The following MYO1E variants were observed in gnomAD, a reference collection of about 807,000 sequenced individuals.
MYO1E encodes myosin IE.
Under a neutral mutation model 151.1 loss-of-function variants are expected in MYO1E, and 68 were observed. The ratio of observed to expected loss-of-function variants is 0.45; its 90% confidence interval spans 0.37 to 0.55. The LOEUF (loss-of-function observed/expected upper bound fraction) is 0.55. Among genes scored for constraint, MYO1E ranks in the 20% least tolerant of loss-of-function variants. MYO1E has a pLI of 0.00. For missense variants in MYO1E, 1,363 were observed against 1,389.3 expected (o/e 0.98, Z 0.30); for synonymous variants, 601 against 501.7 (o/e 1.20, Z -2.64).
intron 2 of MYO1E, among the ~76,000 whole-genome samples, chr15:59,268,369 G>A (rs1158747770): frequency 6.6e-6 from 1 of 152,168 alleles, no homozygotes; most frequent in Non-Finnish European, 1.5e-5. Flanking sequence ...TAGTGGTCAA[G>A]TAACTCATTT....
intron 10 of MYO1E, among the ~76,000 whole-genome samples, chr15:59,216,643 A>AGTGTGTGTGTGTCTGTGTGTGT (rs2079917170): frequency 4.6e-5 from 2 of 43,478 alleles, no homozygotes; most frequent in African/African-American, 1.8e-4. Context: ...AAGGGCCCCC[A>AGTGTGTGTGTGTCTGTGTGTGT]GTGTGTGTGT....
intron 14 of MYO1E, chr15:59,207,970 C>T (rs1420997553): frequency 2.5e-6 from 4 of 1,614,032 alleles, no homozygotes; most frequent in African/African-American, 1.3e-5. Flanking sequence ...TCCTTGTATC[C>T]TGGGAGAGAA....
chr15:59,322,962 C>A (rs2080636827), intron 1 of MYO1E, among the ~76,000 whole-genome samples: 1 of 150,752 alleles, frequency 6.6e-6, no homozygotes, highest in African/African-American at 2.4e-5. Flanking sequence ...GAGATCAAGA[C>A]CATCCTGGCT....
intron 9 of MYO1E, among the ~76,000 whole-genome samples, chr15:59,218,955 G>A (rs1353182648): frequency 6.6e-6 from 1 of 152,222 alleles, no homozygotes; most frequent in Non-Finnish European, 1.5e-5. Context: ...GGTTAGGACA[G>A]ATTCCAATGC....
chr15:59,367,812 T>C (rs1217250356), intron 1 of MYO1E, among the ~76,000 whole-genome samples: 1 of 152,132 alleles, frequency 6.6e-6, no homozygotes, highest in African/African-American at 2.4e-5. Context: ...TCTGAGATGA[T>C]CAAATCACAT....
intron 1 of MYO1E, among the ~76,000 whole-genome samples, chr15:59,329,563 G>T (rs1378215458): frequency 6.6e-6 from 1 of 152,182 alleles, no homozygotes; most frequent in Non-Finnish European, 1.5e-5. Flanking sequence ...AACATTCTAG[G>T]ACCTCTGAAA....
intron 1 of MYO1E, among the ~76,000 whole-genome samples, chr15:59,279,165 T>TG (rs1178069609): frequency 6.6e-6 from 1 of 152,180 alleles, no homozygotes; most frequent in East Asian, 1.9e-4. Context: ...TCCTTTTCTC[T>TG]GCTCTTTCTG....
rs770211369 is a variant in MYO1E at position 59,208,014 on chromosome 15, C to A, written c.1530+667G>T. On this transcript the variant is annotated intron_variant, in intron 14 of 27. Coordinates refer to ENST00000288235, the MANE Select transcript of MYO1E (RefSeq NM_004998.4). Reference sequence around the variant, plus strand: ...CCAACCTTATAAAGATAAAGCTGACCCCTGAAGAAGAGGCCCATCTGAAAA... The same window carrying A: ...CCAACCTTATAAAGATAAAGCTGACACCTGAAGAAGAGGCCCATCTGAAAA... The A allele has an allele frequency of 3.7e-6, 6 of 1,608,254 alleles. No homozygotes were observed. In the South Asian group the frequency reaches 6.7e-5, roughly 18 times the overall value.
intron 1 of MYO1E, 59 bp downstream of exon 1, chr15:59,372,439 C>T (rs1473758844): frequency 2.6e-6 from 4 of 1,535,726 alleles, no homozygotes; most frequent in Non-Finnish European, 2.6e-6. Flanking sequence ...TGCACCACGC[C>T]GGGGTTTCCT....
intron 2 of MYO1E, among the ~76,000 whole-genome samples, chr15:59,264,110 C>T (rs2080239821): frequency 6.6e-6 from 1 of 152,280 alleles, no homozygotes; most frequent in African/African-American, 2.4e-5. Context: ...GTTTGCATTA[C>T]ACTCACCACC....
chr15:59,351,497 T>C (rs566759827), intron 1 of MYO1E, among the ~76,000 whole-genome samples: 1 of 152,324 alleles, frequency 6.6e-6, no homozygotes, highest in Non-Finnish European at 1.5e-5. Context: ...TAGACCGTAA[T>C]GCATTTTGGT....
chr15:59,197,734 G>A (rs1438600327), intron 16 of MYO1E, among the ~76,000 whole-genome samples: 1 of 152,204 alleles, frequency 6.6e-6, no homozygotes, highest in Non-Finnish European at 1.5e-5. Context: ...TGATATAAAA[G>A]GAATTAACTG....
At chr15:59,300,294 G>GCA (rs774215043) in intron 1 of MYO1E, among the ~76,000 whole-genome samples, 2 of 146,144 alleles carry the variant, frequency 1.4e-5, no homozygotes, top group African/African-American at 5.4e-5. Flanking sequence ...TGCCCAGCAC[G>GCA]CGCACACACA....
chr15:59,173,642 C>T, intron 21 of MYO1E, 104 bp downstream of exon 21: 1 of 1,445,520 alleles, frequency 6.9e-7, no homozygotes, highest in Non-Finnish European at 9.7e-7. Context: ...AATTTTTCTA[C>T]AACGAACACA....
chr15:59,304,872 G>T (rs1286166376), intron 1 of MYO1E, among the ~76,000 whole-genome samples: 3 of 152,180 alleles, frequency 2.0e-5, no homozygotes, highest in African/African-American at 7.2e-5. Flanking sequence ...TCAAAATTAT[G>T]GGTCCTACAG....
rs146994350 is a variant in MYO1E at position 59,149,307 on chromosome 15, C to T, written c.3080+4283G>A. Among the ~76,000 whole-genome samples, 78 of 152,210 alleles carry T rather than the reference C, an allele frequency of 5.1e-4. 3 individuals are homozygous for T. In the East Asian group the frequency reaches 0.013, roughly 25 times the overall value. ...TCCTGACCTCGTGATCCACCCACCTCGGCCTCCCAAAGTGCTGGGATTACA... is the reference window on the plus strand; with the variant it reads ...TCCTGACCTCGTGATCCACCCACCTTGGCCTCCCAAAGTGCTGGGATTACA... On this transcript the variant is annotated intron_variant, in intron 26 of 27. Transcript: ENST00000288235.
chr15:59,218,027 G>C lies in MYO1E; in HGVS notation c.971C>G (p.Thr324Arg), dbSNP rs546799247. 2 of 1,614,198 alleles carry C rather than the reference G, an allele frequency of 1.2e-6. No homozygotes were observed. Among genetic ancestry groups the C allele is most frequent in the East Asian group, 2.2e-5 (1 of 44,890 alleles). The stretch of plus-strand genomic sequence containing the variant: ...CCACTTGCTATCCATCTGCCGGCTT[G>C]TTAGCTTTTCTTTCAACCGGTCCTG... ...INQDRLKEKL[T>R]SRQMDSKWGG... Residue 324 changes from threonine to arginine, a missense_variant, in exon 10 of 28, where the codon ACA becomes AGA. Physicochemically the swap from Thr to Arg is moderately conservative, Grantham distance 71 (BLOSUM62 -1). Coordinates refer to ENST00000288235, the MANE Select transcript of MYO1E (RefSeq NM_004998.4).
intron 1 of MYO1E, among the ~76,000 whole-genome samples, chr15:59,277,519 T>C (rs2080326131): frequency 7.4e-6 from 1 of 135,080 alleles, no homozygotes; most frequent in Non-Finnish European, 1.5e-5. Flanking sequence ...CACTCCAGCC[T>C]GGCAACAGAG....
At chr15:59,195,431 G>C in intron 17 of MYO1E, 30 bp downstream of exon 17, 1 of 1,571,950 alleles carries the variant, frequency 6.4e-7, no homozygotes, top group Non-Finnish European at 8.8e-7. Flanking sequence ...AAAAGGTCCC[G>C]GCCCCACCTA....
Sources: gnomAD v4.1 joint callset for allele counts (sites outside exome capture counted in the v4.1 genomes callset) on GRCh38, gnomAD v4.1.1 for gene constraint, MANE v1.5 for transcripts, NCBI Gene and HGNC (gene_info 2026-07-23, HGNC 2026-07-21) for gene names.